Variants in CCDC7 observed in about 807,000 individuals in gnomAD.
The protein encoded by CCDC7 is coiled-coil domain containing 7.
In CCDC7, 183 loss-of-function variants were observed where a neutral mutation model predicts 196.9. The ratio of observed to expected loss-of-function variants is 0.93; its 90% CI spans 0.82 to 1.05. CCDC7 has a LOEUF of 1.05. CCDC7 is among the 50% of genes least tolerant of loss of function. The pLI, the probability that CCDC7 is intolerant of heterozygous loss-of-function variation, is 0.00. For synonymous variants in CCDC7, 525 were observed against 484.6 expected (o/e 1.08, Z -1.10); for missense variants, 1,540 against 1,482.2 (o/e 1.04, Z -0.64).
chr10:32,538,375 G>A (rs1183588395), intron 11 of CCDC7, among the ~76,000 whole-genome samples: 1 of 152,162 alleles, frequency 6.6e-6, no homozygotes, highest in Non-Finnish European at 1.5e-5. Context: ...ATCAGCTGAA[G>A]GAGATTTTGG....
chr10:32,882,254 G>C (rs1158427154), intron 22 of CCDC7, among the ~76,000 whole-genome samples: 1 of 152,138 alleles, frequency 6.6e-6, no homozygotes, highest in Non-Finnish European at 1.5e-5. Flanking sequence ...AGTGTAGAGG[G>C]ATTCTTGCTT....
intron 25 of CCDC7, among the ~76,000 whole-genome samples, chr10:32,726,138 T>G (rs940142562): frequency 6.6e-6 from 1 of 152,102 alleles, no homozygotes; most frequent in African/African-American, 2.4e-5. Context: ...GATTGGTTAT[T>G]TCTGACTCAA....
chr10:32,757,425 A>G lies in CCDC7; in HGVS notation c.2906-21552A>G, dbSNP rs1408669337. On this transcript the variant is annotated intron_variant, in intron 28 of 41. Coordinates refer to ENST00000639629, the Ensembl canonical transcript of CCDC7. ...GTCTCTCAGACCACAGTGCAATCAA[A>G]CCAGAACTCAGGATTAAGAAACTCA... Among the ~76,000 whole-genome samples the G allele has an allele frequency of 3.3e-5, 5 of 152,232 alleles. No homozygotes were observed. In the East Asian group the frequency reaches 9.6e-4, roughly 29 times the overall value.
chr10:32,799,045 A>G (rs1000186582), intron 29 of CCDC7, among the ~76,000 whole-genome samples: 4 of 152,182 alleles, frequency 2.6e-5, no homozygotes, highest in African/African-American at 9.7e-5. Context: ...CCGATCATGT[A>G]TATACCACTT....
chr10:32,624,092 C>T (rs2063708162), intron 18 of CCDC7, among the ~76,000 whole-genome samples: 2 of 152,146 alleles, frequency 1.3e-5, no homozygotes, highest in African/African-American at 4.8e-5. Flanking sequence ...CTTACTTTCT[C>T]TCACAATCCT....
intron 18 of CCDC7, among the ~76,000 whole-genome samples, chr10:32,629,719 G>A (rs918691040): frequency 2.0e-5 from 3 of 152,078 alleles, no homozygotes; most frequent in African/African-American, 7.2e-5. Context: ...AGGTCCCCTA[G>A]CCTCTCTCCA....
intron 23 of CCDC7, among the ~76,000 whole-genome samples, chr10:32,690,987 T>C (rs974670492): frequency 6.6e-6 from 1 of 152,328 alleles, no homozygotes; most frequent in East Asian, 1.9e-4. Context: ...CAGTTCCTGG[T>C]GTCAGAGGTT....
exon 29 of CCDC7, chr10:32,779,053 A>T: frequency 6.5e-7 from 1 of 1,549,952 alleles, no homozygotes. Context: ...TTAGCGACCT[A>T]ATAATTCAAT....
chr10:32,815,657 T>G (rs558063848), intron 31 of CCDC7, among the ~76,000 whole-genome samples: 1 of 152,164 alleles, frequency 6.6e-6, no homozygotes, highest in Admixed American at 6.5e-5. Flanking sequence ...TTCTATTAAA[T>G]CTAAGTAGAA....
intron 9 of CCDC7, chr10:32,513,157 C>G (rs1334743568): frequency 6.6e-6 from 1 of 151,928 alleles, no homozygotes; most frequent in East Asian, 1.9e-4. Context: ...TAGAAAGAAC[C>G]TGTTTTTGTT....
chr10:32,815,408 A>T (rs1209149918), intron 31 of CCDC7, among the ~76,000 whole-genome samples: 1 of 152,238 alleles, frequency 6.6e-6, no homozygotes, highest in Non-Finnish European at 1.5e-5. Context: ...GATGTAAATT[A>T]AATTTTTAAA....
intron 18 of CCDC7, among the ~76,000 whole-genome samples, chr10:32,600,099 T>A (rs1377897732): frequency 6.6e-6 from 1 of 152,146 alleles, no homozygotes; most frequent in Non-Finnish European, 1.5e-5. Context: ...TTTTTCTGAT[T>A]CTGTGAAAAA....
At chr10:32,571,786 A>C in intron 15 of CCDC7, 73 bp from the exon 17 acceptor site, 1 of 1,333,660 alleles carries the variant, frequency 7.5e-7, no homozygotes, top group Non-Finnish European at 9.9e-7. Flanking sequence ...CTTAAATGAT[A>C]TTTTTCTAAA....
intron 24 of CCDC7, among the ~76,000 whole-genome samples, chr10:32,711,126 G>GTA (rs375124829): frequency 0.046 from 6,677 of 146,676 alleles, 496 homozygotes; most frequent in African/African-American, 0.16. Context: ...GTGTGTGTGT[G>GTA]TATATATATA....
At chr10:32,855,512 A>G (rs1211759486) in intron 41 of CCDC7, among the ~76,000 whole-genome samples, 2 of 152,194 alleles carry the variant, frequency 1.3e-5, no homozygotes, top group Admixed American at 1.3e-4. Context: ...CAGGCATTAG[A>G]TTCTCATAAG....
chr10:32,774,290 C>CTT (rs764117469), intron 28 of CCDC7, among the ~76,000 whole-genome samples: 1 of 145,714 alleles, frequency 6.9e-6, no homozygotes, highest in Non-Finnish European at 1.5e-5. Flanking sequence ...GAACCTTCCC[C>CTT]TTTTTTTTTT....
chr10:32,505,761 C>T lies in CCDC7; in HGVS notation c.873-12184C>T, dbSNP rs550906840. On this transcript the variant is annotated intron_variant, in intron 9 of 41. Transcript: ENST00000639629. The stretch of plus-strand genomic sequence containing the variant: ...GCAGAGGCGCTTCTCACTTCCCAGA[C>T]GGGGCGGCCGGGCAGAGGCGCTCCT... Among the ~76,000 whole-genome samples the T allele has an allele frequency of 1.0e-3, 158 of 151,122 alleles. 1 individual carries two copies. Among genetic ancestry groups the T allele is most frequent in the African/African-American group, 3.3e-3 (135 of 41,234 alleles).
At chr10:32,496,185 C>T (rs956762679) in intron 9 of CCDC7, among the ~76,000 whole-genome samples, 2 of 151,678 alleles carry the variant, frequency 1.3e-5, no homozygotes, top group Admixed American at 1.3e-4. Flanking sequence ...TGATTTGGCT[C>T]TCTGTCTGTT....
At chr10:32,767,368 T>C (rs2078475321) in intron 28 of CCDC7, among the ~76,000 whole-genome samples, 2 of 152,170 alleles carry the variant, frequency 1.3e-5, no homozygotes, top group South Asian at 4.1e-4. Context: ...CCAAATGAGA[T>C]ATATTTCAGG....
Sources: allele counts gnomAD v4.1 joint callset (sites outside exome capture counted in the v4.1 genomes callset), GRCh38; gene constraint gnomAD v4.1.1; transcripts MANE v1.5; gene names NCBI Gene and HGNC (gene_info 2026-07-23, HGNC 2026-07-21).